DHDDS: variants seen among roughly 807,000 people sequenced by gnomAD.
The protein encoded by DHDDS is dehydrodolichyl diphosphate synthase complex subunit DHDDS.
Under a neutral mutation model 46.2 loss-of-function variants are expected in DHDDS, and 16 were observed. The observed-to-expected ratio is 0.35, with a 90% confidence interval of 0.23 to 0.53. DHDDS has a LOEUF of 0.53. Among genes scored for constraint, DHDDS ranks in the 20% least tolerant of loss-of-function variants. The pLI is 0.94. For missense variants in DHDDS, 340 were observed against 423.7 expected, an observed-to-expected ratio of 0.80 and a Z score of 1.73; for synonymous variants, 151 against 163.1, an observed-to-expected ratio of 0.93 and a Z score of 0.56.
At chr1:26,462,067 T>G (rs971007681) in intron 8 of DHDDS, among the ~76,000 whole-genome samples, 97 of 151,472 alleles carry the variant, frequency 6.4e-4, no homozygotes, top group Non-Finnish European at 1.1e-3. Context: ...TTTTTGTTTT[T>G]TTTTTTTTTT....
chr1:26,433,118 G>T (rs1322137102), intron 2 of DHDDS, 110 bp downstream of exon 2: 1 of 1,203,822 alleles, frequency 8.3e-7, no homozygotes, highest in Non-Finnish European at 1.2e-6. Context: ...ATGTTAAGTG[G>T]AATTTAGCAA....
At chr1:26,437,322 G>A (rs114382220) in intron 2 of DHDDS, among the ~76,000 whole-genome samples, 229 of 152,272 alleles carry the variant, frequency 1.5e-3, no homozygotes, top group African/African-American at 5.2e-3. Flanking sequence ...TATTTGGCAT[G>A]TAGTACGTGC....
chr1:26,469,303 G>A lies in DHDDS; in HGVS notation c.*172G>A, dbSNP rs1317415388. ...GGCCATAGATACCTTTGGGCTGCCT[G>A]GGACAGGCTCCTGAGGAGGATTGAG... On this transcript the variant is annotated 3_prime_UTR_variant, in exon 9 of 9. Coordinates refer to ENST00000236342, the MANE Select transcript of DHDDS (RefSeq NM_205861.3). The A allele has an allele frequency of 6.4e-6, 8 of 1,241,048 alleles. No homozygotes were observed. In the South Asian group the frequency reaches 1.1e-4, roughly 16 times the overall value. The allele number at this position is 1,241,048 out of a possible 1,614,324, so 76.9% of individuals were successfully genotyped here. A position where few individuals can be genotyped will look rare whatever the true frequency, so the allele number is the denominator to read the frequency against.
Position 26,471,066 on chromosome 1 carries a change from A to C in DHDDS, c.*1935A>C, listed in dbSNP as rs1165382217. The C allele has an allele frequency of 6.6e-6, 1 of 152,386 alleles. No individual in the cohort carries two copies. Among genetic ancestry groups the C allele is most frequent in the Admixed American group, 6.5e-5 (1 of 15,286 alleles). The allele number at this position is 152,386 out of a possible 1,614,324, so 9.4% of individuals were successfully genotyped here. The stretch of plus-strand genomic sequence containing the variant: ...GCCCCAGGAGGCGATGTAGTGGTGG[A>C]AAGAAGAGGCAGAGAGGTCGTCGTC... On this transcript the variant is annotated 3_prime_UTR_variant, in exon 9 of 9. Transcript: ENST00000236342.
rs2290588 is a variant in DHDDS, at chr1:26,471,017, C to T, written c.*1886C>T. 0.31 allele frequency: 47,096 copies of T among 152,110 alleles called. 8,613 individuals carry two copies. Among genetic ancestry groups the T allele is most frequent in the East Asian group, 0.72 (3,740 of 5,170 alleles). 9.4% of individuals were successfully genotyped at this position (152,110 alleles called of 1,614,324 possible). On this transcript the variant is annotated 3_prime_UTR_variant, in exon 9 of 9. Coordinates refer to ENST00000236342, the MANE Select transcript of DHDDS (RefSeq NM_205861.3). Reference sequence around the variant, plus strand: ...GAGGTTCTGTATTCTGGGAAAGGTACACAGGGTGGAGTAGGGAGAAGCTGC... The same window carrying T: ...GAGGTTCTGTATTCTGGGAAAGGTATACAGGGTGGAGTAGGGAGAAGCTGC...
At chr1:26,445,025 GT>G (rs1405306062) in intron 4 of DHDDS, among the ~76,000 whole-genome samples, 1 of 152,108 alleles carries the variant, frequency 6.6e-6, no homozygotes, top group African/African-American at 2.4e-5. Context: ...GCAATATAAT[GT>G]CATAATTAAG....
At position 26,469,028 on chromosome 1, in the gene DHDDS, A is replaced by C. The variant is rs757711935; in HGVS notation, c.899A>C (p.His300Pro). The C allele has an allele frequency of 6.2e-7, 1 of 1,614,018 alleles. No individual in the cohort carries two copies. The highest frequency in any genetic ancestry group is 8.5e-7 in the Non-Finnish European group (1 of 1,180,054). The change falls in exon 9 of 9, where the codon CAC becomes CCC. Residue 300 changes from histidine to proline, a missense_variant. His to Pro is a moderately conservative substitution (Grantham distance 77, BLOSUM62 -2). Around this residue, in one of 2 missense-constraint regions of DHDDS, gnomAD observed 268 missense variants for 300.3 expected, o/e 0.89. Transcript: ENST00000236342. ...GCCCAGCTCCGAAGGACACGCTTGC[A>C]CAAACTCTCGGCCAGACGGGAAGAG... The part of the protein sequence containing the change: ...GDAQLRRTRL[H>P]KLSARREERV...
intron 2 of DHDDS, among the ~76,000 whole-genome samples, chr1:26,436,941 C>T (rs1159633941): frequency 6.6e-6 from 1 of 151,716 alleles, no homozygotes; most frequent in Non-Finnish European, 1.5e-5. Context: ...GAGGCTGAGG[C>T]AGGCAGATCA....
Position 26,471,258 on chromosome 1 carries a change from T to C in DHDDS, c.*2127T>C, listed in dbSNP as rs1004155858. ...CCATTTGAGGACATCTATCGTATTC[T>C]TGTGTGCTGGGTCTCAAATAGAATT... On this transcript the variant is annotated 3_prime_UTR_variant, in exon 9 of 9. Transcript: ENST00000236342. The C allele has an allele frequency of 6.6e-6, 1 of 152,204 alleles. No individual in the cohort carries two copies. Among genetic ancestry groups the C allele is most frequent in the Non-Finnish European group, 1.5e-5 (1 of 68,032 alleles). The allele number at this position is 152,204 out of a possible 1,614,324, so 9.4% of individuals were successfully genotyped here. A position where few individuals can be genotyped will look rare whatever the true frequency, so the allele number is the denominator to read the frequency against.
intron 8 of DHDDS, among the ~76,000 whole-genome samples, chr1:26,461,292 G>C (rs1184290450): frequency 6.6e-6 from 1 of 152,044 alleles, no homozygotes; most frequent in Non-Finnish European, 1.5e-5. Context: ...TCTAATGAAA[G>C]CCACAGACCA....
intron 8 of DHDDS, chr1:26,467,438 G>T: frequency 2.3e-6 from 1 of 441,892 alleles, no homozygotes; most frequent in Non-Finnish European, 4.9e-6. Flanking sequence ...TGAATGCCTG[G>T]GATTATTCAG....
chr1:26,446,463 G>A (rs1273244042), intron 5 of DHDDS, 31 bp downstream of exon 5: 2 of 1,597,062 alleles, frequency 1.3e-6, no homozygotes, highest in Non-Finnish European at 8.6e-7. Flanking sequence ...ATAGGGAGCT[G>A]TTTCAATCTT....
At chr1:26,465,292 TTTC>T (rs2075472317) in intron 8 of DHDDS, among the ~76,000 whole-genome samples, 1 of 152,238 alleles carries the variant, frequency 6.6e-6, no homozygotes, top group Non-Finnish European at 1.5e-5. Flanking sequence ...GAACATTATA[TTTC>T]TTCTGCTCTT....
At chr1:26,451,773 C>T (rs1368790513) in intron 6 of DHDDS, among the ~76,000 whole-genome samples, 5 of 151,928 alleles carry the variant, frequency 3.3e-5, no homozygotes, top group Non-Finnish European at 5.9e-5. Context: ...GGACTACAGG[C>T]GCCTGCCACC....
Position 26,469,304 on chromosome 1 carries a change from G to A in DHDDS, c.*173G>A. On this transcript the variant is annotated 3_prime_UTR_variant, in exon 9 of 9. Transcript: ENST00000236342. Reference sequence around the variant, plus strand: ...GCCATAGATACCTTTGGGCTGCCTGGGACAGGCTCCTGAGGAGGATTGAGG... The same window carrying A: ...GCCATAGATACCTTTGGGCTGCCTGAGACAGGCTCCTGAGGAGGATTGAGG... 8.1e-7 allele frequency: 1 copy of A among 1,227,728 alleles called. No homozygotes were observed. Among genetic ancestry groups the A allele is most frequent in the Non-Finnish European group, 1.1e-6 (1 of 872,930 alleles). The allele number at this position is 1,227,728 out of a possible 1,614,324, so 76.1% of individuals were successfully genotyped here.
At chr1:26,466,558 A>G (rs61618456) in intron 8 of DHDDS, among the ~76,000 whole-genome samples, 143 of 152,364 alleles carry the variant, frequency 9.4e-4, no homozygotes, top group African/African-American at 3.3e-3. Context: ...CAACTCTGCT[A>G]TCTGAACAAT....
At chr1:26,466,511 C>T (rs1371605871) in intron 8 of DHDDS, among the ~76,000 whole-genome samples, 1 of 152,252 alleles carries the variant, frequency 6.6e-6, no homozygotes, top group East Asian at 1.9e-4. Flanking sequence ...CTCAGCCTCG[C>T]TGTCATTTTC....
intron 6 of DHDDS, among the ~76,000 whole-genome samples, chr1:26,453,597 T>C (rs111585045): frequency 6.6e-6 from 1 of 151,898 alleles, no homozygotes. Flanking sequence ...TCTCTAAAAG[T>C]ACAAAAATTA....
chr1:26,448,803 C>T (rs1472835449), intron 6 of DHDDS, among the ~76,000 whole-genome samples: 5 of 152,144 alleles, frequency 3.3e-5, no homozygotes, highest in Admixed American at 3.3e-4. Context: ...AGTGCCAGAG[C>T]TGGGACTCAT....
Sources: allele counts gnomAD v4.1 joint callset (sites outside exome capture counted in the v4.1 genomes callset), GRCh38; gene constraint gnomAD v4.1.1; regional missense constraint gnomAD v4.1.1; transcripts MANE v1.5; gene names NCBI Gene and HGNC (gene_info 2026-07-23, HGNC 2026-07-21).